FBXO7: variants seen among roughly 807,000 people sequenced by gnomAD.
FBXO7 encodes the protein F-box protein 7, also known as F-box only protein 7.
In FBXO7, 31 loss-of-function variants were observed where a neutral mutation model predicts 50.2. The ratio of observed to expected loss-of-function variants is 0.62; its 90% CI spans 0.46 to 0.83. The LOEUF (loss-of-function observed/expected upper bound fraction) is 0.83, where lower values mean the gene tolerates loss of function less well. Among genes scored for constraint, FBXO7 ranks in the 40% least tolerant of loss-of-function variants. FBXO7 has a pLI of 0.00. For missense variants in FBXO7, 667 were observed against 646.6 expected, an observed-to-expected ratio of 1.03 and a Z score of -0.34; for synonymous variants, 256 against 253.1, an observed-to-expected ratio of 1.01 and a Z score of -0.11.
At chr22:32,495,833 A>G (rs1249164652) in intron 8 of FBXO7, among the ~76,000 whole-genome samples, 1 of 152,198 alleles carries the variant, frequency 6.6e-6, no homozygotes, top group Non-Finnish European at 1.5e-5. Context: ...GCTAGTTAAG[A>G]TAGTACCTTA....
chr22:32,483,251 A>G (rs952135767), intron 2 of FBXO7, among the ~76,000 whole-genome samples: 1 of 152,218 alleles, frequency 6.6e-6, no homozygotes, highest in East Asian at 1.9e-4. Context: ...CGAATAGTGT[A>G]TTTTGTGAAT....
chr22:32,496,380 G>A (rs2057574745), intron 8 of FBXO7, among the ~76,000 whole-genome samples: 1 of 152,150 alleles, frequency 6.6e-6, no homozygotes, highest in Non-Finnish European at 1.5e-5. Flanking sequence ...TACTCAGGAG[G>A]CTGAGGCAGG....
chr22:32,493,405 G>A (rs2057551459), intron 7 of FBXO7, 124 bp downstream of exon 7: 1 of 802,264 alleles, frequency 1.2e-6, no homozygotes, highest in Non-Finnish European at 2.1e-6. Flanking sequence ...GCCTTAAAGA[G>A]ACTGACTCTA....
chr22:32,475,104 G>T lies in FBXO7; in HGVS notation c.102G>T (p.Leu34=). 1 of 1,545,990 alleles carries T rather than the reference G, an allele frequency of 6.5e-7. No homozygotes were observed. Among genetic ancestry groups the T allele is most frequent in the Non-Finnish European group, 8.7e-7 (1 of 1,145,862 alleles). The change falls in exon 1 of 9, where the codon CTG becomes CTT. Residue 34 remains leucine (L), a synonymous_variant. Transcript: ENST00000266087. ...GHLRSHLRQS[L]LCTWGYSSNT... ...TGCGCTCGCACCTGAGGCAGTCCCT[G>T]CTGTGCACCTGGGGGTACAGGTACG...
At chr22:32,482,843 A>T (rs2057473622) in intron 2 of FBXO7, among the ~76,000 whole-genome samples, 1 of 152,230 alleles carries the variant, frequency 6.6e-6, no homozygotes, top group Non-Finnish European at 1.5e-5. Context: ...GGTTTTTTAT[A>T]AACTTGCAGT....
intron 8 of FBXO7, among the ~76,000 whole-genome samples, 168 bp downstream of exon 8, chr22:32,495,698 C>A (rs2057569672): frequency 6.6e-6 from 1 of 152,040 alleles, no homozygotes; most frequent in Admixed American, 6.5e-5. Context: ...TAGACTCAAT[C>A]CTTATTATAA....
chr22:32,496,436 C>A (rs567497680), intron 8 of FBXO7, among the ~76,000 whole-genome samples: 1 of 152,042 alleles, frequency 6.6e-6, no homozygotes, highest in African/African-American at 2.4e-5. Context: ...GAGCCAAGAT[C>A]GCTCCATTGC....
chr22:32,494,357 A>G (rs1478323597), intron 7 of FBXO7, among the ~76,000 whole-genome samples: 4 of 152,080 alleles, frequency 2.6e-5, no homozygotes, highest in African/African-American at 9.7e-5. Flanking sequence ...TTATTTGTGT[A>G]TTTTTGAGAC....
At chr22:32,476,319 T>C (rs1334209391) in intron 1 of FBXO7, among the ~76,000 whole-genome samples, 1 of 152,230 alleles carries the variant, frequency 6.6e-6, no homozygotes, top group East Asian at 1.9e-4. Flanking sequence ...ACTGGCATCG[T>C]TACCAGTAGG....
intron 7 of FBXO7, 75 bp from the exon 8 acceptor site, chr22:32,495,418 A>G: frequency 9.8e-7 from 1 of 1,018,344 alleles, no homozygotes; most frequent in Non-Finnish European, 1.5e-6. Flanking sequence ...TTCTTAGGAG[A>G]AAAACAAAAC....
intron 7 of FBXO7, 125 bp from the exon 8 acceptor site, chr22:32,495,368 G>GTTT (rs752933430): frequency 3.4e-3 from 1,713 of 501,080 alleles, no homozygotes; most frequent in South Asian, 4.4e-3. Context: ...TAAATGGTTA[G>GTTT]TTTTTTTTTT....
At chr22:32,484,159 A>T in intron 3 of FBXO7, 35 bp downstream of exon 3, 2 of 1,557,802 alleles carry the variant, frequency 1.3e-6, no homozygotes, top group Non-Finnish European at 1.8e-6. Context: ...ACATCTTATG[A>T]TTGCTCATAC....
At position 32,495,810 on chromosome 22, in the gene FBXO7, C is replaced by T. The variant is rs184326049; in HGVS notation, c.1182+280C>T. On this transcript the variant is annotated intron_variant, in intron 8 of 8. Coordinates refer to ENST00000266087, the MANE Select transcript of FBXO7 (RefSeq NM_012179.4). ...AATGAGTTGTCTGTGCTGGAGTAGT[C>T]ATCAGCTGTTCAGCTAGTTAAGATA... is the stretch of plus-strand genomic sequence containing the variant. Among the ~76,000 whole-genome samples, 26 of 152,274 alleles carry T rather than the reference C, an allele frequency of 1.7e-4. No homozygotes were observed. The East Asian group carries it at 5.0e-3, about 29-fold the overall frequency.
intron 8 of FBXO7, among the ~76,000 whole-genome samples, chr22:32,497,091 C>G (rs951376361): frequency 6.6e-6 from 1 of 152,198 alleles, no homozygotes; most frequent in African/African-American, 2.4e-5. Context: ...TTGCTGCAGT[C>G]TCACAGTCAA....
At chr22:32,486,538 G>A (rs2057499947) in intron 4 of FBXO7, among the ~76,000 whole-genome samples, 1 of 152,074 alleles carries the variant, frequency 6.6e-6, no homozygotes. Context: ...GTGTCACTGT[G>A]TTGCCCAGGC....
chr22:32,481,081 T>G (rs1041609059), intron 2 of FBXO7, among the ~76,000 whole-genome samples: 1 of 152,250 alleles, frequency 6.6e-6, no homozygotes, highest in Non-Finnish European at 1.5e-5. Flanking sequence ...CACCTCAATT[T>G]AATTGCTGGC....
Position 32,498,244 on chromosome 22 carries a change from C to G in FBXO7, c.1283C>G (p.Pro428Arg). ...STHTIPFYPN[P>R]LHPRPFPSSR... The stretch of plus-strand genomic sequence containing the variant: ...CACACCATTCCATTCTATCCCAACC[C>G]CTTGCACCCTAGGCCATTTCCTAGC... Residue 428 changes from proline (P) to arginine (R), a missense_variant, in exon 9 of 9, where the codon CCC (proline) becomes CGC (arginine). Physicochemically the swap from Pro to Arg is moderately radical, Grantham distance 103. Coordinates refer to ENST00000266087, the MANE Select transcript of FBXO7 (RefSeq NM_012179.4). 1 of 1,614,214 alleles carries G rather than the reference C, an allele frequency of 6.2e-7. No homozygotes were observed. The highest frequency in any genetic ancestry group is 8.5e-7 in the Non-Finnish European group (1 of 1,180,034).
At chr22:32,493,463 G>GT (rs1358946004) in intron 7 of FBXO7, among the ~76,000 whole-genome samples, 182 bp downstream of exon 7, 1 of 152,088 alleles carries the variant, frequency 6.6e-6, no homozygotes, top group Non-Finnish European at 1.5e-5. Context: ...TCATTTTTGT[G>GT]TTTTGCACAA....
chr22:32,491,161 T>C lies in FBXO7; in HGVS notation c.947T>C (p.Leu316Pro). The part of the protein sequence containing the change: ...RLFKDQLVYP[L>P]LAFTRQALNL... The stretch of plus-strand genomic sequence containing the variant: ...TTTAAAGACCAGCTGGTGTATCCTC[T>C]TCTGGCTTTTACCCGACAAGGTAAG... The change falls in exon 6 of 9, where the codon CTT becomes CCT. Residue 316 changes from leucine to proline, a missense_variant. Transcript: ENST00000266087. 6.2e-7 allele frequency: 1 copy of C among 1,611,132 alleles called. No individual in the cohort carries two copies. Among genetic ancestry groups the C allele is most frequent in the East Asian group, 2.2e-5 (1 of 44,830 alleles).
Sources: allele counts gnomAD v4.1 joint callset (sites outside exome capture counted in the v4.1 genomes callset), GRCh38; gene constraint gnomAD v4.1.1; transcripts MANE v1.5; gene names NCBI Gene and HGNC (gene_info 2026-07-23, HGNC 2026-07-21).